GSAP: variants seen among roughly 807,000 people sequenced by gnomAD.
GSAP encodes the protein gamma-secretase-activating protein.
In GSAP, 118 loss-of-function variants were observed where a neutral mutation model predicts 131.7. The observed-to-expected ratio is 0.90, with a 90% CI of 0.77 to 1.04. GSAP has a LOEUF of 1.04. Among genes scored for constraint, GSAP ranks in the 50% least tolerant of loss-of-function variants. GSAP has a pLI of 0.00. For synonymous variants in GSAP, 381 were observed against 363.4 expected, an observed-to-expected ratio of 1.05 and a Z score of -0.55; for missense variants, 1,019 against 1,013.2, an observed-to-expected ratio of 1.01 and a Z score of -0.08.
At chr7:77,357,184 A>G (rs1197424331) in intron 14 of GSAP, among the ~76,000 whole-genome samples, 1 of 152,088 alleles carries the variant, frequency 6.6e-6, no homozygotes, top group Non-Finnish European at 1.5e-5. Context: ...GGAGATTCCT[A>G]TTTGGCATTT....
At chr7:77,353,783 C>T in intron 16 of GSAP, 142 bp from the exon 17 acceptor site, 1 of 541,930 alleles carries the variant, frequency 1.8e-6, no homozygotes, top group Non-Finnish European at 3.3e-6. Flanking sequence ...TCTATACTAT[C>T]TTCAAGATAC....
chr7:77,346,270 C>CAAAAAAAA lies in GSAP; in HGVS notation c.1545+3073_1545+3080dup, dbSNP rs1223497863. Among the ~76,000 whole-genome samples, 144 of 40,320 alleles carry CAAAAAAAA rather than the reference C, an allele frequency of 3.6e-3. 3 individuals carry two copies. The highest frequency in any genetic ancestry group is 0.014 in the East Asian group (17 of 1,232). 26.5% of individuals were successfully genotyped at this position (40,320 alleles called of 152,430 possible). ...GGGCAACGAGAATGAGACTCCATCTCAAAAAAAAAAAAAAAAAAAAGAAAG... is the reference window on the plus strand; with the variant it reads ...GGGCAACGAGAATGAGACTCCATCTCAAAAAAAAAAAAAAAAAAAAAAAAAAAAGAAAG... On this transcript the variant is annotated intron_variant, in intron 19 of 30. Coordinates refer to ENST00000257626, the MANE Select transcript of GSAP (RefSeq NM_017439.4).
At chr7:77,366,692 T>C (rs1795373325) in intron 12 of GSAP, among the ~76,000 whole-genome samples, 1 of 152,220 alleles carries the variant, frequency 6.6e-6, no homozygotes, top group African/African-American at 2.4e-5. Context: ...TCTTTTTGCT[T>C]AGGTGTACCT....
At chr7:77,325,786 G>C (rs1428800427) in intron 23 of GSAP, among the ~76,000 whole-genome samples, 1 of 152,122 alleles carries the variant, frequency 6.6e-6, no homozygotes, top group Non-Finnish European at 1.5e-5. Flanking sequence ...GGCCAGGCTG[G>C]TCTCGAACTC....
At chr7:77,389,320 TTTG>T (rs1448838930) in intron 5 of GSAP, among the ~76,000 whole-genome samples, 1 of 148,310 alleles carries the variant, frequency 6.7e-6, no homozygotes, top group Non-Finnish European at 1.5e-5. Flanking sequence ...GTTTGTTTGT[TTTG>T]TTTTGTTTTT....
intron 5 of GSAP, among the ~76,000 whole-genome samples, chr7:77,396,553 A>G (rs1008456851): frequency 5.3e-5 from 8 of 152,360 alleles, no homozygotes; most frequent in African/African-American, 1.7e-4. Context: ...ACATAGCTAC[A>G]AAACTATAAA....
intron 12 of GSAP, among the ~76,000 whole-genome samples, chr7:77,372,862 C>CA (rs1796343727): frequency 6.6e-6 from 1 of 152,244 alleles, no homozygotes; most frequent in South Asian, 2.1e-4. Context: ...CTCTCTCACT[C>CA]ACTCTACTTC....
rs149462958 is a variant in GSAP at position 77,349,378 on chromosome 7, T to C, written c.1518A>G (p.Thr506=). The C allele has an allele frequency of 5.6e-5, 90 of 1,613,186 alleles. 1 individual carries two copies. The East Asian group carries it at 5.8e-4, about 10-fold the overall frequency. The change falls in exon 19 of 31, where the codon ACA becomes ACG. Residue 506 remains threonine (T), a synonymous_variant. Transcript: ENST00000257626. ...NTEIPGITLV[T]EDIALPLMKV... ...TCATAAGAGGCAATGCAATGTCTTCTGTCACAAGAGTTATTCCAGGAATTT... is the reference window on the plus strand; with the variant it reads ...TCATAAGAGGCAATGCAATGTCTTCCGTCACAAGAGTTATTCCAGGAATTT...
chr7:77,352,674 T>G (rs374081460), intron 18 of GSAP, among the ~76,000 whole-genome samples: 1 of 152,186 alleles, frequency 6.6e-6, no homozygotes, highest in Admixed American at 6.5e-5. Context: ...AAAAATACCA[T>G]GATAGAGGTT....
Position 77,329,394 on chromosome 7 carries a change from A to G in GSAP, c.1675-3T>C. ...GCAGACCTTCTTTTTCCTGTTTTCT[A>G]GGAGTGAGAACACGTCAGAAATGTG... On this transcript the variant is annotated splice_region_variant and splice_polypyrimidine_tract_variant and intron_variant, in intron 20 of 30. Transcript: ENST00000257626. 6.4e-7 allele frequency: 1 copy of G among 1,568,960 alleles called. No homozygotes were observed. Among genetic ancestry groups the G allele is most frequent in the Non-Finnish European group, 8.7e-7 (1 of 1,150,436 alleles).
intron 5 of GSAP, among the ~76,000 whole-genome samples, chr7:77,395,813 G>A (rs534846292): frequency 1.3e-5 from 2 of 152,310 alleles, no homozygotes; most frequent in South Asian, 4.1e-4. Flanking sequence ...AAATACATCT[G>A]AGTGGGAACT....
chr7:77,401,580 T>TA (rs1383773229), intron 3 of GSAP, among the ~76,000 whole-genome samples: 6 of 151,504 alleles, frequency 4.0e-5, no homozygotes, highest in African/African-American at 9.7e-5. Flanking sequence ...ATAGCTACCC[T>TA]AAAAAAAATG....
intron 14 of GSAP, among the ~76,000 whole-genome samples, chr7:77,358,903 T>C (rs912067291): frequency 6.6e-6 from 1 of 152,206 alleles, no homozygotes; most frequent in African/African-American, 2.4e-5. Context: ...AAACTATTAA[T>C]AGGCTAGGCA....
intron 18 of GSAP, among the ~76,000 whole-genome samples, chr7:77,352,356 G>A (rs1793009445): frequency 1.3e-5 from 2 of 152,186 alleles, no homozygotes; most frequent in African/African-American, 2.4e-5. Flanking sequence ...TTCACTTGCT[G>A]GGCCAGCAAA....
intron 8 of GSAP, among the ~76,000 whole-genome samples, chr7:77,381,036 C>T (rs534512838): frequency 3.3e-4 from 50 of 152,166 alleles, no homozygotes; most frequent in African/African-American, 9.9e-4. Context: ...TAGGTTTGCA[C>T]GAGCAAGGTA....
chr7:77,406,213 T>C (rs992758170), intron 1 of GSAP, 108 bp from the exon 2 acceptor site: 9 of 570,070 alleles, frequency 1.6e-5, no homozygotes, highest in African/African-American at 6.1e-5. Context: ...ATAATTCTAT[T>C]ATATAAAACT....
intron 1 of GSAP, among the ~76,000 whole-genome samples, chr7:77,409,221 C>A (rs1802843626): frequency 6.6e-6 from 1 of 152,102 alleles, no homozygotes; most frequent in South Asian, 2.1e-4. Flanking sequence ...ATGACTCACG[C>A]CTGTAATCTC....
chr7:77,388,615 T>C (rs1328858921), intron 5 of GSAP, among the ~76,000 whole-genome samples: 3 of 152,248 alleles, frequency 2.0e-5, no homozygotes, highest in African/African-American at 7.2e-5. Flanking sequence ...TGAGCTTTTA[T>C]TGAGACTCTA....
chr7:77,404,337 A>G (rs1801881991), intron 3 of GSAP, among the ~76,000 whole-genome samples: 1 of 152,226 alleles, frequency 6.6e-6, no homozygotes, highest in African/African-American at 2.4e-5. Context: ...GCCATGTGTA[A>G]CATTTCTCTT....
Sources: allele counts gnomAD v4.1 joint callset (sites outside exome capture counted in the v4.1 genomes callset), GRCh38; gene constraint gnomAD v4.1.1; transcripts MANE v1.5; gene names NCBI Gene and HGNC (gene_info 2026-07-23, HGNC 2026-07-21).